The following STYK1 variants were observed in gnomAD, a reference collection of about 807,000 sequenced individuals.
STYK1 encodes the protein tyrosine-protein kinase STYK1.
STYK1 carries 46 observed loss-of-function variants against 48.1 expected under a neutral mutation model. The observed-to-expected ratio is 0.96, with a 90% CI of 0.75 to 1.22. The LOEUF (loss-of-function observed/expected upper bound fraction) is 1.22. STYK1 is among the 50% of genes most tolerant of loss of function. The pLI is 0.00. For missense variants in STYK1, 527 were observed against 521.1 expected, an observed-to-expected ratio of 1.01 and a Z score of -0.11; for synonymous variants, 188 against 189.0, an observed-to-expected ratio of 0.99 and a Z score of 0.04.
chr12:10,633,864 A>T, intron 4 of STYK1, 126 bp downstream of exon 4: 1 of 1,172,668 alleles, frequency 8.5e-7, no homozygotes, highest in Non-Finnish European at 1.2e-6. Flanking sequence ...CATGGGAGGG[A>T]ACCCATGCCT....
chr12:10,623,644 TATAAAA>T (rs1947324671), intron 8 of STYK1, among the ~76,000 whole-genome samples: 1 of 152,190 alleles, frequency 6.6e-6, no homozygotes, highest in African/African-American at 2.4e-5. Flanking sequence ...GAAAATGATT[TATAAAA>T]ATAAACTGCT....
In STYK1 at chr12:10,619,638, AG is replaced by A. The variant is rs1865873161; in HGVS notation, c.*505del. On this transcript the variant is annotated 3_prime_UTR_variant, in exon 11 of 11. Coordinates refer to ENST00000075503, the MANE Select transcript of STYK1 (RefSeq NM_018423.3). ...TCCTCCAACCCCACATGTAGGGCTC[AG>A]GACTGAAGAACTTTGTGTCCTACCA... 1 of 172,776 alleles carries A rather than the reference AG, an allele frequency of 5.8e-6. No individual in the cohort carries two copies. Among genetic ancestry groups the A allele is most frequent in the South Asian group, 1.9e-4 (1 of 5,230 alleles). The allele number at this position is 172,776 out of a possible 1,614,324, so 10.7% of individuals were successfully genotyped here. A position where few individuals can be genotyped will look rare whatever the true frequency, so the allele number is the denominator to read the frequency against.
intron 1 of STYK1, among the ~76,000 whole-genome samples, chr12:10,644,879 T>A (rs1947582420): frequency 6.6e-6 from 1 of 151,994 alleles, no homozygotes; most frequent in African/African-American, 2.4e-5. Flanking sequence ...GAGATAAATA[T>A]TTGGGAGTCA....
chr12:10,622,433 G>A (rs1299372260), intron 9 of STYK1, among the ~76,000 whole-genome samples: 1 of 152,174 alleles, frequency 6.6e-6, no homozygotes, highest in Non-Finnish European at 1.5e-5. Flanking sequence ...AGGTAAAAAA[G>A]GACAGGGAAG....
At chr12:10,663,932 A>G (rs1028993320) in intron 1 of STYK1, among the ~76,000 whole-genome samples, 1 of 152,182 alleles carries the variant, frequency 6.6e-6, no homozygotes, top group Non-Finnish European at 1.5e-5. Flanking sequence ...TACAAGTAAC[A>G]TTTGTTGATA....
At chr12:10,650,648 T>C (rs1163436435) in intron 1 of STYK1, among the ~76,000 whole-genome samples, 3 of 152,024 alleles carry the variant, frequency 2.0e-5, no homozygotes, top group Non-Finnish European at 4.4e-5. Context: ...AAAATGAGAG[T>C]TGCCCAAAGA....
intron 7 of STYK1, among the ~76,000 whole-genome samples, chr12:10,626,972 A>C (rs946577272): frequency 2.6e-5 from 4 of 152,182 alleles, no homozygotes; most frequent in Non-Finnish European, 5.9e-5. Flanking sequence ...GTGCCACTGC[A>C]CTCCAGCCTG....
At position 10,625,992 on chromosome 12, in the gene STYK1, T is replaced by C. The variant is rs1947354662; in HGVS notation, c.718-1133A>G. ...CCTATTCAAGGCATAAGAAGAAAGT[T>C]GCAAAACTATACATGACTGAAGATC... On this transcript the variant is annotated intron_variant, in intron 7 of 10. Transcript: ENST00000075503. Among the ~76,000 whole-genome samples, 4 of 152,126 alleles carry C rather than the reference T, an allele frequency of 2.6e-5. No individual in the cohort carries two copies. The South Asian group carries it at 8.3e-4, about 32-fold the overall frequency.
chr12:10,644,286 A>T (rs1203268022), intron 1 of STYK1, among the ~76,000 whole-genome samples: 1 of 152,200 alleles, frequency 6.6e-6, no homozygotes, highest in Non-Finnish European at 1.5e-5. Context: ...TATACATGTG[A>T]TAAAATATCA....
intron 1 of STYK1, among the ~76,000 whole-genome samples, chr12:10,639,779 A>T (rs987268868): frequency 6.6e-6 from 1 of 152,134 alleles, no homozygotes; most frequent in Non-Finnish European, 1.5e-5. Flanking sequence ...TTACTTACAA[A>T]CCCAATGTTC....
At chr12:10,651,572 C>G (rs556457784) in intron 1 of STYK1, among the ~76,000 whole-genome samples, 40 of 152,262 alleles carry the variant, frequency 2.6e-4, no homozygotes, top group African/African-American at 7.9e-4. Context: ...ACTAATTATT[C>G]CTATGATAGC....
Position 10,633,996 on chromosome 12 carries a change from G to A in STYK1, c.181C>T (p.Pro61Ser), listed in dbSNP as rs1208900513. 1.9e-6 allele frequency: 3 copies of A among 1,613,910 alleles called. No homozygotes were observed. Among genetic ancestry groups the A allele is most frequent in the South Asian group, 2.2e-5 (2 of 91,050 alleles). ...CCCAAAGTTTGAGCTTTACCTTGAG[G>A]TCCAGAACGCTGCTGTTGAGTTCTT... ...EQRTQQQRSG[P>S]QGIAPVPPPR... Residue 61 changes from proline to serine, a missense_variant, in exon 4 of 11, where the codon CCT becomes TCT. Pro to Ser is a moderately conservative substitution (Grantham distance 74). Transcript: ENST00000075503.
Position 10,634,590 on chromosome 12 carries a change from C to T in STYK1, c.29G>A (p.Cys10Tyr). 6.2e-7 allele frequency: 1 copy of T among 1,614,158 alleles called. No individual in the cohort carries two copies. Among genetic ancestry groups the T allele is most frequent in the Non-Finnish European group, 8.5e-7 (1 of 1,180,014 alleles). ...ACCACACAACTTGTCACTGAGACTG[C>T]ATTCCAGGAGCATCCGTGTCATGCC... MGMTRMLLE[C>Y]SLSDKLCVIQ... Residue 10 changes from cysteine to tyrosine, a missense_variant, in exon 3 of 11, where the codon TGC becomes TAC. By Grantham distance (194) the Cys-to-Tyr change is radical. Transcript: ENST00000075503.
chr12:10,620,009 A>C lies in STYK1; in HGVS notation c.*135T>G. 2.0e-6 allele frequency: 2 copies of C among 993,160 alleles called. No individual in the cohort carries two copies. The highest frequency in any genetic ancestry group is 3.1e-6 in the Non-Finnish European group (2 of 654,962). The allele number at this position is 993,160 out of a possible 1,614,324, so 61.5% of individuals were successfully genotyped here. ...CCAGCATCATTTCAGATTTCCCGAG[A>C]AATGTGTAAAGGAAGATCAAGAATC... is the stretch of plus-strand genomic sequence containing the variant. On this transcript the variant is annotated 3_prime_UTR_variant, in exon 11 of 11. Transcript: ENST00000075503.
At chr12:10,663,793 A>G (rs10772347) in intron 1 of STYK1, among the ~76,000 whole-genome samples, 94,597 of 149,442 alleles carry the variant, frequency 0.63, 30,417 homozygotes, top group East Asian at 0.79. Context: ...GATGTAGATC[A>G]ATTTGGGGCG....
chr12:10,624,870 A>G lies in STYK1; in HGVS notation c.718-11T>C, dbSNP rs756410425. The G allele has an allele frequency of 1.2e-6, 2 of 1,612,736 alleles. No homozygotes were observed. The highest frequency in any genetic ancestry group is 8.5e-7 in the Non-Finnish European group (1 of 1,178,740). On this transcript the variant is annotated splice_polypyrimidine_tract_variant and intron_variant, in intron 7 of 10. Coordinates refer to ENST00000075503, the MANE Select transcript of STYK1 (RefSeq NM_018423.3). ...CTCCTGCAGGAATTCCTGTCAAGAT[A>G]AAATCAAATATGATCAGCTGTCTGA...
intron 1 of STYK1, among the ~76,000 whole-genome samples, chr12:10,643,100 C>G (rs1405865313): frequency 6.6e-6 from 1 of 152,144 alleles, no homozygotes; most frequent in African/African-American, 2.4e-5. Flanking sequence ...TCCACTTCCC[C>G]AAATCTGCCC....
At chr12:10,654,613 G>A (rs574947847) in intron 1 of STYK1, among the ~76,000 whole-genome samples, 13 of 152,270 alleles carry the variant, frequency 8.5e-5, no homozygotes, top group African/African-American at 2.9e-4. Context: ...TCCAACTTAG[G>A]AGAGTCTCTC....
At position 10,629,498 on chromosome 12, in the gene STYK1, G is replaced by A. The variant is rs34981955; in HGVS notation, c.628C>T (p.Arg210Trp). ...ACCTCTGCCCTACTGCTCACCCGCCGACAGGTCCAGAGAAAGCTGAGCAGG... is the reference window on the plus strand; with the variant it reads ...ACCTCTGCCCTACTGCTCACCCGCCAACAGGTCCAGAGAAAGCTGAGCAGG... ...GDLLSFLWTCRRDVMTMDGLL... is the reference protein window; with the variant it reads ...GDLLSFLWTCWRDVMTMDGLL... Residue 210 changes from arginine (R) to tryptophan (W), a missense_variant, in exon 6 of 11, where the codon CGG (arginine) becomes TGG (tryptophan). By Grantham distance (101) the Arg-to-Trp change is moderately radical. Transcript: ENST00000075503. 112 of 1,613,966 alleles carry A rather than the reference G, an allele frequency of 6.9e-5. No individual in the cohort carries two copies. The East Asian group carries it at 1.6e-3, about 22-fold the overall frequency.
Sources: gnomAD v4.1 joint callset for allele counts (sites outside exome capture counted in the v4.1 genomes callset) on GRCh38, gnomAD v4.1.1 for gene constraint, MANE v1.5 for transcripts, NCBI Gene and HGNC (gene_info 2026-07-23, HGNC 2026-07-21) for gene names.